The following NPAS3 variants were observed in gnomAD, a reference collection of about 807,000 sequenced individuals.
The protein encoded by NPAS3 is neuronal PAS domain protein 3.
Under a neutral mutation model 73.1 loss-of-function variants are expected in NPAS3, and 14 were observed. The ratio of observed to expected loss-of-function variants is 0.19; its 90% CI spans 0.13 to 0.30. The LOEUF is 0.30. Among genes scored for constraint, NPAS3 ranks in the 10% least tolerant of loss-of-function variants. The pLI, the probability that NPAS3 is intolerant of heterozygous loss-of-function variation, is 1.00. For missense variants in NPAS3, 1,096 were observed against 1,250.0 expected, an observed-to-expected ratio of 0.88 and a Z score of 1.86; for synonymous variants, 620 against 541.5, an observed-to-expected ratio of 1.14 and a Z score of -2.01.
In NPAS3 at chr14:33,561,631, C is replaced by G. The variant is rs114158214; in HGVS notation, c.558+1421C>G. On this transcript the variant is annotated intron_variant, in intron 5 of 11. Transcript: ENST00000356141. The stretch of plus-strand genomic sequence containing the variant: ...CTGTCTGGGACCTAGTATTGAGAAT[C>G]TTCAATTTTGAAATCGGTGAGCCAC... 2.4e-3 allele frequency among the ~76,000 whole-genome samples: 369 copies of G among 152,314 alleles called. 2 individuals carry two copies. Among genetic ancestry groups the G allele is most frequent in the African/African-American group, 8.4e-3 (349 of 41,568 alleles).
At chr14:33,593,565 T>C (rs1454533857) in intron 5 of NPAS3, among the ~76,000 whole-genome samples, 4 of 152,206 alleles carry the variant, frequency 2.6e-5, no homozygotes, top group African/African-American at 9.6e-5. Flanking sequence ...CCTGAGTCCA[T>C]TCTCCTGCAA....
chr14:33,200,659 A>G (rs2046579688), intron 2 of NPAS3, among the ~76,000 whole-genome samples: 1 of 152,202 alleles, frequency 6.6e-6, no homozygotes, highest in Non-Finnish European at 1.5e-5. Flanking sequence ...CAGTGCTTTC[A>G]AAAACTGGAA....
intron 5 of NPAS3, among the ~76,000 whole-genome samples, chr14:33,561,409 G>A (rs1413313888): frequency 2.0e-5 from 3 of 152,166 alleles, no homozygotes; most frequent in Admixed American, 2.0e-4. Context: ...TCCAAACAAG[G>A]GTCTGGTCTG....
intron 2 of NPAS3, among the ~76,000 whole-genome samples, chr14:33,153,841 G>T (rs1377091324): frequency 1.3e-5 from 2 of 152,048 alleles, no homozygotes; most frequent in Non-Finnish European, 2.9e-5. Context: ...TGTTGGCTTG[G>T]GGTCTCTTGT....
intron 2 of NPAS3, among the ~76,000 whole-genome samples, chr14:33,066,078 G>A (rs2041268462): frequency 6.6e-6 from 1 of 152,074 alleles, no homozygotes; most frequent in Non-Finnish European, 1.5e-5. Flanking sequence ...GGAGATCCTT[G>A]TTCACTTCCA....
At chr14:33,594,422 TCAAA>T (rs543652262) in intron 5 of NPAS3, among the ~76,000 whole-genome samples, 70 of 152,326 alleles carry the variant, frequency 4.6e-4, no homozygotes, top group Admixed American at 1.4e-3. Context: ...ATTTATGGTC[TCAAA>T]CAAATCTTTT....
intron 2 of NPAS3, among the ~76,000 whole-genome samples, chr14:33,180,180 G>A (rs1418709288): frequency 6.6e-6 from 1 of 152,092 alleles, no homozygotes; most frequent in Non-Finnish European, 1.5e-5. Flanking sequence ...TGTGTCTTAA[G>A]ATACCTCCTT....
chr14:33,282,977 A>G (rs991938995), intron 3 of NPAS3, among the ~76,000 whole-genome samples: 1 of 152,146 alleles, frequency 6.6e-6, no homozygotes, highest in African/African-American at 2.4e-5. Flanking sequence ...CATTCTTGAG[A>G]TTCCCCTAGA....
chr14:33,030,406 A>C (rs1171894602), intron 1 of NPAS3, among the ~76,000 whole-genome samples: 1 of 152,164 alleles, frequency 6.6e-6, no homozygotes, highest in Non-Finnish European at 1.5e-5. Context: ...TTATTCAAAT[A>C]GTTTTTAGGG....
intron 2 of NPAS3, among the ~76,000 whole-genome samples, chr14:33,057,539 C>T (rs1053669343): frequency 7.2e-5 from 11 of 152,262 alleles, no homozygotes; most frequent in Admixed American, 1.3e-4. Flanking sequence ...GTCAGTTTCA[C>T]GTGTCTGAAA....
intron 5 of NPAS3, among the ~76,000 whole-genome samples, chr14:33,622,755 C>G (rs1595298468): frequency 6.6e-6 from 1 of 152,152 alleles, no homozygotes; most frequent in Non-Finnish European, 1.5e-5. Flanking sequence ...GCTTTGATGT[C>G]TCAAGCTGTT....
At chr14:33,555,446 T>A (rs2055310155) in intron 4 of NPAS3, among the ~76,000 whole-genome samples, 1 of 152,126 alleles carries the variant, frequency 6.6e-6, no homozygotes, top group Non-Finnish European at 1.5e-5. Context: ...AGTGGGCAGT[T>A]GAAAAAAAAT....
rs149751558 is a variant in NPAS3, at chr14:33,511,920, C to G, written c.469-48201C>G. ...CCTTGTTTAAACTCCATTGCTGAATCTTACTTGGAGAAATTCTGATTCCTT... is the reference window on the plus strand; with the variant it reads ...CCTTGTTTAAACTCCATTGCTGAATGTTACTTGGAGAAATTCTGATTCCTT... On this transcript the variant is annotated intron_variant, in intron 4 of 11. Coordinates refer to ENST00000356141, the Ensembl canonical transcript of NPAS3. Among the ~76,000 whole-genome samples the G allele has an allele frequency of 4.9e-3, 752 of 152,148 alleles. 5 individuals are homozygous for G. Among genetic ancestry groups the G allele is most frequent in the African/African-American group, 0.016 (662 of 41,548 alleles).
chr14:33,670,621 C>CT (rs1177381575), intron 5 of NPAS3, among the ~76,000 whole-genome samples: 1 of 146,976 alleles, frequency 6.8e-6, no homozygotes, highest in Admixed American at 6.8e-5. Flanking sequence ...TGTGACCCCC[C>CT]CTCAAAAAAA....
chr14:33,024,387 G>T (rs942007374), intron 1 of NPAS3, among the ~76,000 whole-genome samples: 1 of 151,978 alleles, frequency 6.6e-6, no homozygotes, highest in African/African-American at 2.4e-5. Context: ...GGCCAAGCTG[G>T]TCTCGAACTA....
chr14:33,262,492 A>G (rs1011967003), intron 3 of NPAS3, among the ~76,000 whole-genome samples: 2 of 152,150 alleles, frequency 1.3e-5, no homozygotes, highest in African/African-American at 4.8e-5. Flanking sequence ...TAGACACACA[A>G]TTTAAGTGAT....
chr14:33,479,310 C>G (rs1441560433), intron 4 of NPAS3, among the ~76,000 whole-genome samples: 6 of 152,004 alleles, frequency 3.9e-5, no homozygotes, highest in Non-Finnish European at 8.8e-5. Flanking sequence ...TGCTTTGCCA[C>G]TAGATGTATA....
rs33926266 is a variant in NPAS3, at chr14:33,346,527, C to CAAAAAA, written c.386-20642_386-20637dup. Among the ~76,000 whole-genome samples the CAAAAAA allele has an allele frequency of 4.2e-5, 3 of 70,900 alleles. No homozygotes were observed. In the East Asian group the frequency reaches 1.4e-3, roughly 32 times the overall value. The allele number at this position is 70,900 out of a possible 152,430, so 46.5% of individuals were successfully genotyped here. On this transcript the variant is annotated intron_variant, in intron 3 of 11. Coordinates refer to ENST00000356141, the Ensembl canonical transcript of NPAS3. ...TGGATGACACAGTGAGACCCTGTCT[C>CAAAAAA]AAAAAAAAAAAAAAAAAAAAAAGGA...
At chr14:33,286,759 A>G (rs527497098) in intron 3 of NPAS3, among the ~76,000 whole-genome samples, 78 of 152,206 alleles carry the variant, frequency 5.1e-4, no homozygotes, top group African/African-American at 1.8e-3. Context: ...TCTCCACTAT[A>G]GTTAGAGGAT....
Sources: allele counts gnomAD v4.1 joint callset (sites outside exome capture counted in the v4.1 genomes callset), GRCh38; gene constraint gnomAD v4.1.1; transcripts MANE v1.5; gene names NCBI Gene and HGNC (gene_info 2026-07-23, HGNC 2026-07-21).